ESRP1: variants seen among roughly 807,000 people sequenced by gnomAD.
ESRP1 encodes epithelial splicing regulatory protein 1.
In ESRP1, 33 loss-of-function variants were observed where a neutral mutation model predicts 81.7. The ratio of observed to expected loss-of-function variants is 0.40; its 90% confidence interval spans 0.31 to 0.54. The LOEUF (loss-of-function observed/expected upper bound fraction) is 0.54. Ranked by LOEUF, ESRP1 falls within the 20% of genes least tolerant of loss-of-function variation. ESRP1 has a pLI of 0.41. For synonymous variants in ESRP1, 320 were observed against 303.3 expected (o/e 1.06, Z -0.57); for missense variants, 672 against 833.1 (o/e 0.81, Z 2.38).
At chr8:94,691,816 A>C (rs1809413972) in intron 13 of ESRP1, among the ~76,000 whole-genome samples, 1 of 152,214 alleles carries the variant, frequency 6.6e-6, no homozygotes, top group South Asian at 2.1e-4. Flanking sequence ...ACTTTTAAAA[A>C]ATTCCCTATA....
chr8:94,692,730 G>A lies in ESRP1; in HGVS notation c.1874G>A (p.Ser625Asn), dbSNP rs1243728820. Residue 625 changes from serine to asparagine, a missense_variant, in exon 14 of 16, where the codon AGC becomes AAC. Coordinates refer to ENST00000433389, the MANE Select transcript of ESRP1 (RefSeq NM_017697.4). ...LGYFPTAANL[S>N]GVPPQPGTVV... ...TACTTCCCTACAGCTGCTAATCTTAGCGGTGTCCCTCCACAGCCTGGCACG... is the reference window on the plus strand; with the variant it reads ...TACTTCCCTACAGCTGCTAATCTTAACGGTGTCCCTCCACAGCCTGGCACG... The A allele has an allele frequency of 1.9e-6, 3 of 1,613,874 alleles. No individual in the cohort carries two copies. The highest frequency in any genetic ancestry group is 2.2e-5 in the South Asian group (2 of 91,064).
intron 13 of ESRP1, among the ~76,000 whole-genome samples, chr8:94,686,220 G>C (rs923770501): frequency 6.6e-6 from 1 of 152,152 alleles, no homozygotes; most frequent in African/African-American, 2.4e-5. Flanking sequence ...TGAGCCACCA[G>C]GGCTGGCCTA....
At chr8:94,666,866 A>G (rs924132701) in intron 9 of ESRP1, among the ~76,000 whole-genome samples, 4 of 152,160 alleles carry the variant, frequency 2.6e-5, no homozygotes, top group African/African-American at 9.6e-5. Flanking sequence ...AATTGTTTAT[A>G]TCATTTCTGG....
intron 4 of ESRP1, 52 bp from the exon 5 acceptor site, chr8:94,662,220 G>T: frequency 8.6e-7 from 1 of 1,157,336 alleles, no homozygotes; most frequent in South Asian, 1.4e-5. Context: ...TTTTGATTTA[G>T]AAGTAACCTG....
intron 4 of ESRP1, among the ~76,000 whole-genome samples, chr8:94,651,228 TA>T (rs1818110387): frequency 6.7e-6 from 1 of 149,792 alleles, no homozygotes; most frequent in South Asian, 2.1e-4. Context: ...GAAAGAAAAT[TA>T]TAGTGTGGTC....
chr8:94,665,411 A>T (rs533034378), intron 9 of ESRP1, among the ~76,000 whole-genome samples: 50 of 152,328 alleles, frequency 3.3e-4, no homozygotes, highest in Non-Finnish European at 5.7e-4. Flanking sequence ...AACTTACTAT[A>T]GTTAAATAGC....
chr8:94,641,508 G>A (rs1586163652), intron 1 of ESRP1, 58 bp downstream of exon 1: 1 of 1,609,422 alleles, frequency 6.2e-7, no homozygotes, highest in South Asian at 1.1e-5. Flanking sequence ...TTGTGGTAGA[G>A]GTTTGGGCGG....
At chr8:94,682,888 C>T (rs868729858) in intron 13 of ESRP1, among the ~76,000 whole-genome samples, 43 of 93,870 alleles carry the variant, frequency 4.6e-4, no homozygotes, top group African/African-American at 1.8e-3. Context: ...ATTCATTATT[C>T]AATATATTCA....
chr8:94,683,004 G>A (rs1324916628), intron 13 of ESRP1, among the ~76,000 whole-genome samples: 1 of 123,762 alleles, frequency 8.1e-6, no homozygotes, highest in South Asian at 2.7e-4. Flanking sequence ...GAATGCAGTG[G>A]CACAATCTCA....
rs183888790 is a variant in ESRP1, at chr8:94,675,705, T to C, written c.1651+1199T>C. ...TCAAACATTGTAAGATAAAGCATCA[T>C]GTGTGACCCAAATTCTGCTTTTGGA... On this transcript the variant is annotated intron_variant, in intron 12 of 15. Coordinates refer to ENST00000433389, the MANE Select transcript of ESRP1 (RefSeq NM_017697.4). Among the ~76,000 whole-genome samples the C allele has an allele frequency of 2.1e-4, 32 of 152,358 alleles. No homozygotes were observed. The East Asian group carries it at 4.2e-3, about 20-fold the overall frequency.
chr8:94,664,482 C>T lies in ESRP1; in HGVS notation c.645-215C>T, dbSNP rs189729227. Among the ~76,000 whole-genome samples, 4 of 152,282 alleles carry T rather than the reference C, an allele frequency of 2.6e-5. 1 individual carries two copies. Among genetic ancestry groups the T allele is most frequent in the Admixed American group, 2.6e-4 (4 of 15,280 alleles). On this transcript the variant is annotated intron_variant, in intron 6 of 15. Coordinates refer to ENST00000433389, the MANE Select transcript of ESRP1 (RefSeq NM_017697.4). ...GTGAGCTAGCTGTGTTGGGCCTGCA[C>T]AGGCAGCCATGTTTCTATAATGAAC... is the stretch of plus-strand genomic sequence containing the variant.
chr8:94,682,316 A>C (rs72676930), intron 13 of ESRP1, among the ~76,000 whole-genome samples: 2,233 of 152,278 alleles, frequency 0.015, 26 homozygotes, highest in Middle Eastern at 0.024. Flanking sequence ...CATACCTTCT[A>C]TGCATCTCTT....
At chr8:94,704,076 T>G (rs1191046601) in intron 15 of ESRP1, among the ~76,000 whole-genome samples, 1 of 152,302 alleles carries the variant, frequency 6.6e-6, no homozygotes, top group East Asian at 1.9e-4. Flanking sequence ...ATTTCCATGT[T>G]TTTTAAATAC....
At chr8:94,651,239 CTTTTTTTT>C (rs35413910) in intron 4 of ESRP1, among the ~76,000 whole-genome samples, 3 of 102,796 alleles carry the variant, frequency 2.9e-5, no homozygotes, top group Non-Finnish European at 3.8e-5. Context: ...ATAGTGTGGT[CTTTTTTTT>C]TTTTTTTTTT....
In ESRP1 at chr8:94,643,187, T is replaced by C. The variant is rs2303451; in HGVS notation, c.262-116T>C. On this transcript the variant is annotated intron_variant, in intron 2 of 15. Transcript: ENST00000433389. Reference sequence around the variant, plus strand: ...CTGTCCAAGGTTGCCCCAGCACCGGTGTCACCCATCAGGGCCCTTATTGCG... The same window carrying C: ...CTGTCCAAGGTTGCCCCAGCACCGGCGTCACCCATCAGGGCCCTTATTGCG... The C allele has an allele frequency of 6.2e-6, 4 of 641,378 alleles. No individual in the cohort carries two copies. In the East Asian group the frequency reaches 8.4e-5, roughly 13 times the overall value. The allele number at this position is 641,378 out of a possible 1,614,324, so 39.7% of individuals were successfully genotyped here.
chr8:94,702,600 T>C (rs772291696), intron 15 of ESRP1, among the ~76,000 whole-genome samples: 1 of 152,182 alleles, frequency 6.6e-6, no homozygotes, highest in East Asian at 1.9e-4. Flanking sequence ...GAAGTACTTA[T>C]AGTTTCCTGA....
intron 4 of ESRP1, chr8:94,646,515 C>T (rs565082499): frequency 4.6e-5 from 17 of 366,044 alleles, no homozygotes; most frequent in East Asian, 3.8e-4. Context: ...GGGGTGATCA[C>T]ATGTAGAATA....
At chr8:94,654,736 A>G (rs1483027540) in intron 4 of ESRP1, among the ~76,000 whole-genome samples, 1 of 152,092 alleles carries the variant, frequency 6.6e-6, no homozygotes, top group East Asian at 1.9e-4. Context: ...AGCCTAAGCA[A>G]CACAGGGAGA....
intron 13 of ESRP1, among the ~76,000 whole-genome samples, chr8:94,684,142 C>CA (rs1554580170): frequency 0.028 from 4,270 of 151,802 alleles, 85 homozygotes; most frequent in Non-Finnish European, 0.042. Flanking sequence ...CCACTGCGCA[C>CA]GCCTTGGGGT....
Sources: gnomAD v4.1 joint callset for allele counts (sites outside exome capture counted in the v4.1 genomes callset) on GRCh38, gnomAD v4.1.1 for gene constraint, MANE v1.5 for transcripts, NCBI Gene and HGNC (gene_info 2026-07-23, HGNC 2026-07-21) for gene names.